SPTLC1: variants seen among roughly 807,000 people sequenced by gnomAD.
SPTLC1 encodes the protein serine palmitoyltransferase 1.
SPTLC1 carries 55 observed loss-of-function variants against 68.9 expected under a neutral mutation model. The observed-to-expected ratio is 0.80, with a 90% CI of 0.64 to 1.00. The LOEUF is 1.00. SPTLC1 is among the 50% of genes least tolerant of loss of function. The probability of loss-of-function intolerance (pLI) is 0.00; values close to 1 mark genes in which losing one functional copy is unlikely to be tolerated. For missense variants in SPTLC1, 449 were observed against 573.1 expected (o/e 0.78, Z 2.21); for synonymous variants, 197 against 201.6 (o/e 0.98, Z 0.19).
intron 3 of SPTLC1, among the ~76,000 whole-genome samples, chr9:92,081,299 C>T (rs1490782467): frequency 6.6e-6 from 1 of 152,120 alleles, no homozygotes; most frequent in Non-Finnish European, 1.5e-5. Flanking sequence ...TCAGAAAAAT[C>T]TGGAATAAGC....
chr9:92,085,492 G>A lies in SPTLC1; in HGVS notation c.261-4529C>T, dbSNP rs1363515118. Among the ~76,000 whole-genome samples the A allele has an allele frequency of 4.3e-4, 65 of 151,490 alleles. 1 individual carries two copies. In the South Asian group the frequency reaches 8.6e-3, roughly 20 times the overall value. Reference sequence around the variant, plus strand: ...ACATCTTTATTTCTGCCTTCATTTCGTTATGTACCCAGTAGTCATTCAGGA... The same window carrying A: ...ACATCTTTATTTCTGCCTTCATTTCATTATGTACCCAGTAGTCATTCAGGA... On this transcript the variant is annotated intron_variant, in intron 3 of 14. Transcript: ENST00000262554.
chr9:92,082,247 A>G (rs1023565832), intron 3 of SPTLC1, among the ~76,000 whole-genome samples: 2 of 151,696 alleles, frequency 1.3e-5, no homozygotes, highest in African/African-American at 4.8e-5. Flanking sequence ...ATTTTATTTT[A>G]TTATTATTAT....
intron 6 of SPTLC1, among the ~76,000 whole-genome samples, chr9:92,060,632 C>T (rs1834057890): frequency 1.3e-5 from 2 of 151,834 alleles, no homozygotes; most frequent in African/African-American, 4.8e-5. Context: ...GACAGCCGGG[C>T]GCAGTGGCCC....
chr9:92,057,687 A>G (rs1425734392), intron 7 of SPTLC1, among the ~76,000 whole-genome samples: 2 of 152,228 alleles, frequency 1.3e-5, no homozygotes. Context: ...TTCATGAACC[A>G]TGGCGCTTGG....
chr9:92,099,207 GGGCACCCAGGGATC>G (rs1471929491), intron 3 of SPTLC1, among the ~76,000 whole-genome samples: 1 of 152,182 alleles, frequency 6.6e-6, no homozygotes, highest in Non-Finnish European at 1.5e-5. Flanking sequence ...GTCCTGTTAG[GGGCACCCAGGGATC>G]GGCACCACAG....
rs766223452 is a variant in SPTLC1 at position 92,034,886 on chromosome 9, G to A, written c.1255-3C>T. Reference sequence around the variant, plus strand: ...AATGCAATACTTCTGTTCATGCACTGTAGGAAGAAAAAGAAGACATCTGCA... The same window carrying A: ...AATGCAATACTTCTGTTCATGCACTATAGGAAGAAAAAGAAGACATCTGCA... On this transcript the variant is annotated splice_polypyrimidine_tract_variant and splice_region_variant and intron_variant, in intron 13 of 14. Coordinates refer to ENST00000262554, the MANE Select transcript of SPTLC1 (RefSeq NM_006415.4). 1.2e-5 allele frequency: 19 copies of A among 1,613,760 alleles called. No individual in the cohort carries two copies. Among genetic ancestry groups the A allele is most frequent in the Admixed American group, 1.7e-5 (1 of 59,994 alleles).
intron 1 of SPTLC1, among the ~76,000 whole-genome samples, chr9:92,113,028 A>T (rs1836305026): frequency 1.3e-5 from 2 of 152,100 alleles, no homozygotes; most frequent in South Asian, 4.2e-4. Flanking sequence ...AATCGCTTGA[A>T]CCCAGGAGGT....
intron 5 of SPTLC1, among the ~76,000 whole-genome samples, chr9:92,071,531 G>A (rs768382544): frequency 3.9e-5 from 6 of 152,138 alleles, no homozygotes; most frequent in African/African-American, 1.4e-4. Flanking sequence ...TTTCACATGC[G>A]GTATCTTATG....
chr9:92,084,380 G>A (rs183670687), intron 3 of SPTLC1, among the ~76,000 whole-genome samples: 3,362 of 152,192 alleles, frequency 0.022, 118 homozygotes, highest in African/African-American at 0.078. Context: ...CTGTGGGTCT[G>A]TCATAGATAG....
intron 6 of SPTLC1, 123 bp downstream of exon 6, chr9:92,067,843 A>C: frequency 8.3e-7 from 1 of 1,209,576 alleles, no homozygotes; most frequent in Admixed American, 2.0e-5. Context: ...TGAGGTGACT[A>C]TTTCTTGAAA....
intron 3 of SPTLC1, among the ~76,000 whole-genome samples, chr9:92,087,951 C>T (rs150917704): frequency 0.015 from 2,327 of 152,322 alleles, 30 homozygotes; most frequent in Non-Finnish European, 0.024. Context: ...TGGGCAATGG[C>T]GGGCGCCCCT....
intron 3 of SPTLC1, among the ~76,000 whole-genome samples, chr9:92,085,708 T>G (rs1587579611): frequency 6.6e-6 from 1 of 151,916 alleles, no homozygotes; most frequent in East Asian, 1.9e-4. Context: ...CTGAAAAAAA[T>G]GTATATTCTG....
chr9:92,037,989 GT>G (rs1833204027), intron 13 of SPTLC1, among the ~76,000 whole-genome samples: 1 of 152,170 alleles, frequency 6.6e-6, no homozygotes, highest in Non-Finnish European at 1.5e-5. Flanking sequence ...TAAATGCAAA[GT>G]GGTACAAAAC....
intron 6 of SPTLC1, among the ~76,000 whole-genome samples, chr9:92,062,698 T>C (rs561410360): frequency 1.3e-5 from 2 of 152,200 alleles, no homozygotes; most frequent in Non-Finnish European, 2.9e-5. Flanking sequence ...AAGCTGGGCA[T>C]AGTGGTGTGT....
intron 9 of SPTLC1, among the ~76,000 whole-genome samples, chr9:92,048,088 C>T (rs1389604799): frequency 6.6e-6 from 1 of 152,308 alleles, no homozygotes; most frequent in East Asian, 1.9e-4. Flanking sequence ...ATGGGATGCA[C>T]TGAGATAAAT....
chr9:92,103,643 CTT>C, intron 3 of SPTLC1, among the ~76,000 whole-genome samples: 1 of 152,358 alleles, frequency 6.6e-6, no homozygotes, highest in Non-Finnish European at 1.5e-5. Flanking sequence ...CGCGTCCTCT[CTT>C]TGGAAACCTG....
intron 6 of SPTLC1, among the ~76,000 whole-genome samples, chr9:92,066,464 C>T (rs1023727260): frequency 6.6e-6 from 1 of 152,078 alleles, no homozygotes; most frequent in East Asian, 1.9e-4. Context: ...GGAGGAGGAA[C>T]AGTGTTCTAG....
At chr9:92,051,301 C>A in intron 8 of SPTLC1, 1 of 981,596 alleles carries the variant, frequency 1.0e-6, no homozygotes, top group Non-Finnish European at 1.2e-6. Flanking sequence ...TGGCCGAATG[C>A]AATGGTGGTT....
At chr9:92,052,937 A>G (rs1408805496) in intron 8 of SPTLC1, among the ~76,000 whole-genome samples, 4 of 152,160 alleles carry the variant, frequency 2.6e-5, no homozygotes, top group Non-Finnish European at 5.9e-5. Flanking sequence ...AAAGGACAGT[A>G]TCAAATAAAT....
Sources: allele counts gnomAD v4.1 joint callset (sites outside exome capture counted in the v4.1 genomes callset), GRCh38; gene constraint gnomAD v4.1.1; transcripts MANE v1.5; gene names NCBI Gene and HGNC (gene_info 2026-07-23, HGNC 2026-07-21).